The following ARID2 variants were observed in gnomAD, a reference collection of about 807,000 sequenced individuals.
The protein encoded by ARID2 is AT-rich interactive domain-containing protein 2.
ARID2 carries 32 observed loss-of-function variants against 184.6 expected under a neutral mutation model. The ratio of observed to expected loss-of-function variants is 0.17; its 90% CI spans 0.13 to 0.23. The LOEUF (loss-of-function observed/expected upper bound fraction) is 0.23. Among genes scored for constraint, ARID2 ranks in the 10% least tolerant of loss-of-function variants. The pLI, the probability that ARID2 is intolerant of heterozygous loss-of-function variation, is 1.00. For synonymous variants in ARID2, 836 were observed against 772.6 expected (o/e 1.08, Z -1.36); for missense variants, 1,696 against 2,197.6 (o/e 0.77, Z 4.56).
chr12:45,741,362 T>C (rs1941252302), intron 3 of ARID2, among the ~76,000 whole-genome samples: 1 of 152,078 alleles, frequency 6.6e-6, no homozygotes, highest in Non-Finnish European at 1.5e-5. Flanking sequence ...CCTGCCCAGC[T>C]AGTTTTTTGT....
At position 45,893,420 on chromosome 12, in the gene ARID2, G is replaced by A. The variant is rs1944329235; in HGVS notation, c.5148G>A (p.Lys1716=). ...CTCTCTCTCTCTCTGATCAATTTAGGCAGCCAACTGTAGGGGGCACAAGCT... is the reference window on the plus strand; with the variant it reads ...CTCTCTCTCTCTCTGATCAATTTAGACAGCCAACTGTAGGGGGCACAAGCT... The part of the protein sequence containing the change: ...GQAGSQKSST[K]QPTVGGTSST... Residue 1716 remains lysine, a splice_region_variant and synonymous_variant, in exon 19 of 21, where the codon AAG becomes AAA. Transcript: ENST00000334344. 6.2e-7 allele frequency: 1 copy of A among 1,610,544 alleles called. No individual in the cohort carries two copies. Among genetic ancestry groups the A allele is most frequent in the Non-Finnish European group, 8.5e-7 (1 of 1,178,212 alleles).
intron 3 of ARID2, among the ~76,000 whole-genome samples, chr12:45,768,750 A>T (rs1244578682): frequency 6.6e-6 from 1 of 152,194 alleles, no homozygotes; most frequent in Non-Finnish European, 1.5e-5. Flanking sequence ...CAAATCTCAA[A>T]CATTGGCCCC....
intron 3 of ARID2, among the ~76,000 whole-genome samples, chr12:45,768,040 G>A (rs1283510009): frequency 6.6e-6 from 1 of 152,154 alleles, no homozygotes; most frequent in Non-Finnish European, 1.5e-5. Flanking sequence ...CTAAAACTTG[G>A]TAAGAACATT....
At chr12:45,797,860 T>C (rs1942419219) in intron 3 of ARID2, among the ~76,000 whole-genome samples, 1 of 151,992 alleles carries the variant, frequency 6.6e-6, no homozygotes, top group South Asian at 2.1e-4. Flanking sequence ...GTTTTAAATA[T>C]TGTATCTTTT....
intron 10 of ARID2, among the ~76,000 whole-genome samples, chr12:45,839,115 C>G (rs967093528): frequency 1.3e-5 from 2 of 151,812 alleles, no homozygotes; most frequent in Non-Finnish European, 2.9e-5. Context: ...CCGCCCGCCT[C>G]CGCCTCCCAA....
intron 20 of ARID2, among the ~76,000 whole-genome samples, chr12:45,900,276 G>T (rs1944441553): frequency 6.6e-6 from 1 of 152,016 alleles, no homozygotes. Context: ...GGCCAGGCTG[G>T]TCCTCAATTC....
At chr12:45,792,634 A>G (rs1215264691) in intron 3 of ARID2, among the ~76,000 whole-genome samples, 1 of 152,168 alleles carries the variant, frequency 6.6e-6, no homozygotes, top group Non-Finnish European at 1.5e-5. Context: ...AAATTAAACT[A>G]TGACAATTAT....
intron 3 of ARID2, among the ~76,000 whole-genome samples, chr12:45,750,913 G>A (rs1377843440): frequency 6.6e-6 from 1 of 152,180 alleles, no homozygotes; most frequent in Non-Finnish European, 1.5e-5. Context: ...GCTAGAATTT[G>A]ACCCAGGTCT....
At chr12:45,904,819 C>G in intron 20 of ARID2, 115 bp from the exon 21 acceptor site, 1 of 976,096 alleles carries the variant, frequency 1.0e-6, no homozygotes, top group African/African-American at 1.7e-5. Context: ...TTAACATTTA[C>G]GGGGTGTGGA....
chr12:45,738,023 TA>T (rs1231850558), intron 3 of ARID2, among the ~76,000 whole-genome samples: 1 of 152,182 alleles, frequency 6.6e-6, no homozygotes, highest in Non-Finnish European at 1.5e-5. Flanking sequence ...AAAAATTAAT[TA>T]AAAATAAGTG....
intron 11 of ARID2, 98 bp from the exon 12 acceptor site, chr12:45,846,758 A>T: frequency 2.0e-6 from 2 of 1,017,524 alleles, no homozygotes; most frequent in Non-Finnish European, 3.0e-6. Flanking sequence ...TTAAAAAGGT[A>T]TTCATTGTGT....
chr12:45,898,699 C>T (rs1378445628), intron 20 of ARID2, among the ~76,000 whole-genome samples: 1 of 151,460 alleles, frequency 6.6e-6, no homozygotes, highest in East Asian at 2.0e-4. Flanking sequence ...GCGGATCATC[C>T]GAGGTCAGGA....
At chr12:45,813,441 T>TGTGC (rs1388391565) in intron 4 of ARID2, among the ~76,000 whole-genome samples, 1 of 143,356 alleles carries the variant, frequency 7.0e-6, no homozygotes, top group Non-Finnish European at 1.5e-5. Flanking sequence ...TCCGTGTGTG[T>TGTGC]GTGCGTGCAT....
At chr12:45,750,821 C>A (rs1277504279) in intron 3 of ARID2, among the ~76,000 whole-genome samples, 1 of 152,126 alleles carries the variant, frequency 6.6e-6, no homozygotes, top group Non-Finnish European at 1.5e-5. Context: ...AGAATACCAT[C>A]ATCATCATTT....
chr12:45,805,904 C>T (rs1249613168), intron 3 of ARID2, among the ~76,000 whole-genome samples: 1 of 152,128 alleles, frequency 6.6e-6, no homozygotes, highest in African/African-American at 2.4e-5. Flanking sequence ...ACCAGCATCT[C>T]CCTTTTTCCC....
At chr12:45,814,519 G>T (rs1228437610) in intron 4 of ARID2, among the ~76,000 whole-genome samples, 2 of 151,994 alleles carry the variant, frequency 1.3e-5, no homozygotes, top group Non-Finnish European at 2.9e-5. Context: ...GTGTGGTGTC[G>T]CATGCCTGTA....
At chr12:45,901,326 A>G (rs536779325) in intron 20 of ARID2, among the ~76,000 whole-genome samples, 1 of 150,886 alleles carries the variant, frequency 6.6e-6, no homozygotes, top group East Asian at 2.0e-4. Context: ...GCCCACCACC[A>G]TGCCCCGCTA....
chr12:45,810,082 A>G (rs1203289451), intron 3 of ARID2, among the ~76,000 whole-genome samples: 1 of 152,204 alleles, frequency 6.6e-6, no homozygotes, highest in East Asian at 1.9e-4. Context: ...AGAAGGATTG[A>G]TCTGTAAAAT....
At chr12:45,827,764 C>T (rs1279412767) in intron 6 of ARID2, among the ~76,000 whole-genome samples, 9 of 151,982 alleles carry the variant, frequency 5.9e-5, no homozygotes, top group Non-Finnish European at 1.3e-4. Flanking sequence ...ATAGCAAATG[C>T]AAATGTTCTG....
Sources: allele counts gnomAD v4.1 joint callset (sites outside exome capture counted in the v4.1 genomes callset), GRCh38; gene constraint gnomAD v4.1.1; transcripts MANE v1.5; gene names NCBI Gene and HGNC (gene_info 2026-07-23, HGNC 2026-07-21).